Variants in MMP15 observed in about 807,000 individuals in gnomAD.
The protein encoded by MMP15 is matrix metallopeptidase 15, also known as matrix metalloproteinase-15.
A neutral mutation model predicts 65.0 loss-of-function variants in MMP15; 36 were observed. The observed-to-expected ratio is 0.55, with a 90% CI of 0.42 to 0.73. The LOEUF is 0.73. Among genes scored for constraint, MMP15 ranks in the 30% least tolerant of loss-of-function variants. The probability of loss-of-function intolerance (pLI) is 0.00; values close to 1 mark genes in which losing one functional copy is unlikely to be tolerated. For missense variants in MMP15, 870 were observed against 987.8 expected (o/e 0.88, Z 1.60); for synonymous variants, 428 against 410.2 (o/e 1.04, Z -0.52).
At chr16:58,044,242 T>G (rs2142332254) in intron 9 of MMP15, among the ~76,000 whole-genome samples, 1 of 152,288 alleles carries the variant, frequency 6.6e-6, no homozygotes, top group Middle Eastern at 3.4e-3. Context: ...GTCCAGGAGT[T>G]CGAGACCAGC....
intron 7 of MMP15, among the ~76,000 whole-genome samples, chr16:58,042,919 C>T (rs1428393011): frequency 6.6e-6 from 1 of 152,160 alleles, no homozygotes; most frequent in African/African-American, 2.4e-5. Flanking sequence ...CAGGCAGTCC[C>T]CTCCCCATAC....
At chr16:58,027,272 G>A (rs1451900013) in intron 1 of MMP15, among the ~76,000 whole-genome samples, 2 of 152,206 alleles carry the variant, frequency 1.3e-5, no homozygotes, top group East Asian at 1.9e-4. Flanking sequence ...CCCTCCCGGG[G>A]CCCCGCTCTG....
At chr16:58,038,146 C>A (rs866962924) in intron 2 of MMP15, 120 bp from the exon 3 acceptor site, 20 of 1,337,016 alleles carry the variant, frequency 1.5e-5, no homozygotes, top group Middle Eastern at 2.5e-4. Context: ...AGTCCCCCAT[C>A]CCCACTGTGT....
Position 58,026,274 on chromosome 16 carries a change from A to C in MMP15, c.-77A>C. The C allele has an allele frequency of 8.1e-7, 1 of 1,235,344 alleles. No homozygotes were observed. The highest frequency in any genetic ancestry group is 1.0e-6 in the Non-Finnish European group (1 of 986,516). 76.5% of individuals were successfully genotyped at this position (1,235,344 alleles called of 1,614,324 possible). ...CGGCGCGCCTGCCGGGCCAGGAGCC[A>C]GGGAGCGTCGCAAGTTTCCAAGGCG... On this transcript the variant is annotated 5_prime_UTR_variant, in exon 1 of 10. Transcript: ENST00000219271.
chr16:58,027,525 C>T (rs1963838952), intron 1 of MMP15, among the ~76,000 whole-genome samples: 1 of 152,204 alleles, frequency 6.6e-6, no homozygotes, highest in Non-Finnish European at 1.5e-5. Context: ...CTGAACGGTG[C>T]TCAGGCCTTG....
chr16:58,038,263 C>G lies in MMP15; in HGVS notation c.312-3C>G. The G allele has an allele frequency of 6.2e-7, 1 of 1,613,764 alleles. No individual in the cohort carries two copies. The highest frequency in any genetic ancestry group is 8.5e-7 in the Non-Finnish European group (1 of 1,179,962). On this transcript the variant is annotated splice_polypyrimidine_tract_variant and splice_region_variant and intron_variant, in intron 2 of 9. Transcript: ENST00000219271. The stretch of plus-strand genomic sequence containing the variant: ...TGCTCACCCCTCTGTGTCCATGTCC[C>G]AGGTGGATGAAGCGGCCCCGCTGTG...
At position 58,044,944 on chromosome 16, in the gene MMP15, TTGA is replaced by T. The variant is rs1959523850; in HGVS notation, c.1571-60_1571-58del. Reference sequence around the variant, plus strand: ...TGAAGCCCTCAGCATGTCCTGGCCTTTGATGGTTCTCACTGGTGGTTCGGCTCA... The same window carrying T: ...TGAAGCCCTCAGCATGTCCTGGCCTTTGGTTCTCACTGGTGGTTCGGCTCA... On this transcript the variant is annotated intron_variant, in intron 9 of 9. Transcript: ENST00000219271. 4.4e-6 allele frequency: 7 copies of T among 1,578,646 alleles called. No homozygotes were observed. The South Asian group carries it at 4.5e-5, about 10-fold the overall frequency.
Position 58,039,890 on chromosome 16 carries a change from G to C in MMP15, c.456G>C (p.Thr152=), listed in dbSNP as rs750787074. 1 of 1,603,584 alleles carries C rather than the reference G, an allele frequency of 6.2e-7. No individual in the cohort carries two copies. Residue 152 remains threonine (T), a synonymous_variant, in exon 4 of 10, where the codon ACG becomes ACC. Transcript: ENST00000219271. ...HHLTFSIQNY[T]EKLGWYHSME... is the part of the protein sequence containing the mutation. ...CCACCCCCAGCATCCAGAACTACAC[G>C]GAGAAGTTGGGCTGGTACCACTCGA... is the stretch of plus-strand genomic sequence containing the variant.
intron 5 of MMP15, 116 bp downstream of exon 5, chr16:58,040,814 A>T (rs1235598820): frequency 4.9e-6 from 7 of 1,427,556 alleles, no homozygotes; most frequent in East Asian, 2.3e-5. Flanking sequence ...CTCAGTGAGG[A>T]TTAGTGACTT....
At chr16:58,028,686 G>A (rs892455212) in intron 1 of MMP15, among the ~76,000 whole-genome samples, 1 of 152,176 alleles carries the variant, frequency 6.6e-6, no homozygotes, top group African/African-American at 2.4e-5. Flanking sequence ...GGACCTTCTC[G>A]GAGCAGCTTG....
At chr16:58,037,718 C>T in intron 2 of MMP15, 98 bp downstream of exon 2, 12 of 1,536,180 alleles carry the variant, frequency 7.8e-6, no homozygotes, top group Non-Finnish European at 8.8e-6. Flanking sequence ...AAAAGAGTGG[C>T]CTAGATAAGA....
intron 1 of MMP15, among the ~76,000 whole-genome samples, chr16:58,032,856 T>G (rs1485134940): frequency 2.6e-5 from 4 of 152,242 alleles, no homozygotes; most frequent in Non-Finnish European, 5.9e-5. Flanking sequence ...GCTGGGCAAC[T>G]CTGCCTGGGT....
In MMP15 at chr16:58,039,959, G is replaced by A. The variant is rs772480821; in HGVS notation, c.525G>A (p.Thr175=). 20 of 1,613,706 alleles carry A rather than the reference G, an allele frequency of 1.2e-5. No individual in the cohort carries two copies. The highest frequency in any genetic ancestry group is 2.2e-5 in the East Asian group (1 of 44,890). Residue 175 remains threonine, a synonymous_variant, in exon 4 of 10, where the codon ACG becomes ACA. Transcript: ENST00000219271. ...RRAFRVWEQA[T]PLVFQEVPYE... ...CCTTCCGCGTGTGGGAGCAGGCCAC[G>A]CCCCTGGTCTTCCAGGAGGTGCCCT...
chr16:58,040,019 C>A lies in MMP15; in HGVS notation c.585C>A (p.Ala195=), dbSNP rs779230726. 6.2e-7 allele frequency: 1 copy of A among 1,614,120 alleles called. No homozygotes were observed. Among genetic ancestry groups the A allele is most frequent in the Non-Finnish European group, 8.5e-7 (1 of 1,180,052 alleles). The part of the protein sequence containing the change: ...EDIRLRRQKE[A]DIMVLFASGF... ...TCCGGCTGCGGCGACAGAAGGAGGC[C>A]GACATCATGGTACTCTTTGCCTCTG... The change falls in exon 4 of 10, where the codon GCC becomes GCA. Residue 195 remains alanine (A), a synonymous_variant. Coordinates refer to ENST00000219271, the MANE Select transcript of MMP15 (RefSeq NM_002428.4).
chr16:58,038,119 T>C, intron 2 of MMP15, 147 bp from the exon 3 acceptor site: 1 of 1,103,420 alleles, frequency 9.1e-7, no homozygotes, highest in Non-Finnish European at 1.3e-6. Context: ...CCCATTTTAC[T>C]GGAAGTTGAA....
At chr16:58,035,816 G>A (rs1260394667) in intron 1 of MMP15, among the ~76,000 whole-genome samples, 1 of 152,172 alleles carries the variant, frequency 6.6e-6, no homozygotes, top group Admixed American at 6.5e-5. Context: ...TGCGACCCTG[G>A]CAGCTTCTCC....
In MMP15 at chr16:58,041,881, G is replaced by A. The variant is rs754101826; in HGVS notation, c.1164+11G>A. On this transcript the variant is annotated intron_variant, in intron 6 of 9. Coordinates refer to ENST00000219271, the MANE Select transcript of MMP15 (RefSeq NM_002428.4). ...ATGTTCGTGTTCAAGGTCTGGCCCC[G>A]CCTCCCATGCCTGGCCCTGAGCCTT... 28 of 1,564,372 alleles carry A rather than the reference G, an allele frequency of 1.8e-5. No homozygotes were observed. Among genetic ancestry groups the A allele is most frequent in the Middle Eastern group, 3.4e-4 (2 of 5,848 alleles).
chr16:58,041,956 G>A (rs1597066529), intron 6 of MMP15, 86 bp downstream of exon 6: 18 of 1,449,738 alleles, frequency 1.2e-5, no homozygotes, highest in South Asian at 4.3e-5. Context: ...AGCAGGCCCC[G>A]GGGAGCCATT....
At chr16:58,043,475 G>T (rs1220468898) in intron 8 of MMP15, 37 bp from the exon 9 acceptor site, 1 of 1,609,102 alleles carries the variant, frequency 6.2e-7, no homozygotes. Flanking sequence ...GCCCAAGCAG[G>T]ATCTCTAGGT....
Sources: allele counts gnomAD v4.1 joint callset (sites outside exome capture counted in the v4.1 genomes callset), GRCh38; gene constraint gnomAD v4.1.1; transcripts MANE v1.5; gene names NCBI Gene and HGNC (gene_info 2026-07-23, HGNC 2026-07-21).